CDH13: variants seen among roughly 807,000 people sequenced by gnomAD.
CDH13 encodes the protein cadherin-13.
A neutral mutation model predicts 63.8 loss-of-function variants in CDH13; 24 were observed. That is an observed-to-expected ratio of 0.38 (90% CI 0.27 to 0.53). CDH13 has a LOEUF of 0.53. CDH13 is among the 20% of genes least tolerant of loss of function. The pLI, the probability that CDH13 is intolerant of heterozygous loss-of-function variation, is 0.85. For synonymous variants in CDH13, 503 were observed against 355.3 expected (o/e 1.42, Z -4.67); for missense variants, 1,049 against 903.1 (o/e 1.16, Z -2.07).
At chr16:83,406,995 C>T (rs1162338431) in intron 6 of CDH13, among the ~76,000 whole-genome samples, 2 of 152,162 alleles carry the variant, frequency 1.3e-5, no homozygotes, top group African/African-American at 4.8e-5. Flanking sequence ...CTTAATGAAA[C>T]ACATACATCA....
chr16:82,727,715 T>C (rs2151030779), intron 1 of CDH13: 1 of 152,336 alleles, frequency 6.6e-6, no homozygotes, highest in Middle Eastern at 3.4e-3. Flanking sequence ...GAAATCACAT[T>C]ACCAGTAGCT....
chr16:83,535,055 C>A (rs908429898), intron 7 of CDH13, among the ~76,000 whole-genome samples: 2 of 152,136 alleles, frequency 1.3e-5, no homozygotes, highest in Non-Finnish European at 2.9e-5. Flanking sequence ...ACTCACAGGT[C>A]CTGGGAATTA....
intron 3 of CDH13, among the ~76,000 whole-genome samples, chr16:83,059,678 C>A (rs1051582964): frequency 4.6e-5 from 7 of 151,920 alleles, no homozygotes; most frequent in Non-Finnish European, 7.4e-5. Context: ...TTTCTGGTTC[C>A]ATGACACACA....
At chr16:83,411,805 G>A (rs1301643698) in intron 6 of CDH13, among the ~76,000 whole-genome samples, 1 of 152,198 alleles carries the variant, frequency 6.6e-6, no homozygotes, top group East Asian at 1.9e-4. Flanking sequence ...AAACTAACAA[G>A]TATGGAGCAT....
chr16:83,382,349 G>T (rs1391375657), intron 6 of CDH13, among the ~76,000 whole-genome samples: 1 of 152,090 alleles, frequency 6.6e-6, no homozygotes, highest in Non-Finnish European at 1.5e-5. Context: ...ATTTAATCAG[G>T]TAAATTAATG....
chr16:83,116,751 A>G (rs190463857), intron 3 of CDH13, among the ~76,000 whole-genome samples: 1 of 152,348 alleles, frequency 6.6e-6, no homozygotes, highest in East Asian at 1.9e-4. Flanking sequence ...CACACTTAAA[A>G]CGGGTGAATT....
rs140618025 is a variant in CDH13, at chr16:83,657,394, C to T, written c.1102-13396C>T. Among the ~76,000 whole-genome samples the T allele has an allele frequency of 3.1e-3, 468 of 152,290 alleles. 8 individuals are homozygous for T. The highest frequency in any genetic ancestry group is 0.011 in the African/African-American group (442 of 41,546). ...GCTTTTCAGGGATCTCTACTCTGAT[C>T]CCCTTGGGATAGCTTCTAGGTTCAT... On this transcript the variant is annotated intron_variant, in intron 8 of 13. Coordinates refer to ENST00000567109, the MANE Select transcript of CDH13 (RefSeq NM_001257.5).
intron 1 of CDH13, among the ~76,000 whole-genome samples, chr16:82,839,154 G>A (rs1488369974): frequency 2.6e-5 from 4 of 152,198 alleles, no homozygotes; most frequent in East Asian, 3.9e-4. Flanking sequence ...AACTCAGAGG[G>A]AGAGAGGAGA....
intron 2 of CDH13, among the ~76,000 whole-genome samples, chr16:82,968,023 C>A (rs891408579): frequency 6.6e-6 from 1 of 152,172 alleles, no homozygotes; most frequent in Non-Finnish European, 1.5e-5. Context: ...AATGGCGATT[C>A]TCTAATGGCA....
chr16:82,756,103 T>C (rs4783264), intron 1 of CDH13, among the ~76,000 whole-genome samples: 6,051 of 152,316 alleles, frequency 0.04, 165 homozygotes, highest in Non-Finnish European at 0.06. Context: ...AAATGTTCAA[T>C]GTGTAAACTC....
At chr16:82,643,915 TA>T (rs11434839) in intron 1 of CDH13, among the ~76,000 whole-genome samples, 4 of 147,976 alleles carry the variant, frequency 2.7e-5, no homozygotes, top group Admixed American at 6.7e-5. Flanking sequence ...CCCAGTTAAT[TA>T]AAAAAAAAAA....
intron 11 of CDH13, among the ~76,000 whole-genome samples, chr16:83,768,731 G>A (rs912140445): frequency 2.6e-5 from 4 of 152,060 alleles, no homozygotes; most frequent in African/African-American, 9.7e-5. Flanking sequence ...ACTTCCTGAT[G>A]TTGCCATGGC....
At chr16:83,000,949 C>G (rs1295302079) in intron 2 of CDH13, among the ~76,000 whole-genome samples, 2 of 152,174 alleles carry the variant, frequency 1.3e-5, no homozygotes, top group African/African-American at 4.8e-5. Context: ...GCTTTTCTCT[C>G]TTTCCTCAGC....
intron 5 of CDH13, among the ~76,000 whole-genome samples, chr16:83,258,741 G>T (rs1906605234): frequency 1.3e-5 from 2 of 152,194 alleles, no homozygotes; most frequent in African/African-American, 4.8e-5. Context: ...TGTGCGCGTT[G>T]TGGTGTCAGA....
chr16:83,373,272 G>C (rs2091404920), intron 6 of CDH13, among the ~76,000 whole-genome samples: 1 of 152,182 alleles, frequency 6.6e-6, no homozygotes, highest in African/African-American at 2.4e-5. Context: ...AATTGCAAAG[G>C]ATAGGAGCAT....
chr16:82,880,579 C>G (rs764640615), intron 2 of CDH13, among the ~76,000 whole-genome samples: 4 of 152,152 alleles, frequency 2.6e-5, no homozygotes, highest in Non-Finnish European at 4.4e-5. Flanking sequence ...ATAATACTTG[C>G]TTGGTTGATT....
intron 5 of CDH13, among the ~76,000 whole-genome samples, chr16:83,251,108 A>G (rs1328916761): frequency 6.6e-6 from 1 of 152,114 alleles, no homozygotes; most frequent in Non-Finnish European, 1.5e-5. Flanking sequence ...CCTGATGGAG[A>G]TGGAACTGTT....
At chr16:83,578,644 C>T (rs943958484) in intron 7 of CDH13, among the ~76,000 whole-genome samples, 18 of 152,332 alleles carry the variant, frequency 1.2e-4, no homozygotes, top group Non-Finnish European at 2.4e-4. Flanking sequence ...ATTAATACTG[C>T]ATGCCCAGCA....
intron 2 of CDH13, among the ~76,000 whole-genome samples, chr16:82,935,525 G>T (rs1162882659): frequency 6.6e-5 from 10 of 152,142 alleles, no homozygotes; most frequent in African/African-American, 2.4e-4. Context: ...TGTTTTCCTA[G>T]CATTGGGGTT....
Sources: gnomAD v4.1 joint callset for allele counts (sites outside exome capture counted in the v4.1 genomes callset) on GRCh38, gnomAD v4.1.1 for gene constraint, MANE v1.5 for transcripts, NCBI Gene and HGNC (gene_info 2026-07-23, HGNC 2026-07-21) for gene names.